Variants in MAGI1 observed in about 807,000 individuals in gnomAD.
MAGI1 encodes the protein membrane-associated guanylate kinase, WW and PDZ domain-containing protein 1.
A neutral mutation model predicts 139.9 loss-of-function variants in MAGI1; 58 were observed. That is an observed-to-expected ratio of 0.41 (90% CI 0.34 to 0.52). The LOEUF is 0.52. Among genes scored for constraint, MAGI1 ranks in the 20% least tolerant of loss-of-function variants. The probability of loss-of-function intolerance (pLI) is 0.12; values close to 1 mark genes in which losing one functional copy is unlikely to be tolerated. For synonymous variants in MAGI1, 812 were observed against 737.9 expected (o/e 1.10, Z -1.63); for missense variants, 1,874 against 1,901.6 (o/e 0.99, Z 0.27).
intron 1 of MAGI1, among the ~76,000 whole-genome samples, chr3:66,036,300 A>C (rs2068914501): frequency 6.6e-6 from 1 of 152,210 alleles, no homozygotes; most frequent in African/African-American, 2.4e-5. Flanking sequence ...ACCCACAGGA[A>C]AGCCAGTGTG....
chr3:65,826,847 A>C (rs2042255624), intron 1 of MAGI1, among the ~76,000 whole-genome samples: 1 of 152,224 alleles, frequency 6.6e-6, no homozygotes, highest in Non-Finnish European at 1.5e-5. Context: ...TAAACACATT[A>C]TCAATAACAT....
rs146287573 is a variant in MAGI1 at position 65,357,849 on chromosome 3, G to A, written c.3635-717C>T. 4.5e-4 allele frequency among the ~76,000 whole-genome samples: 68 copies of A among 152,222 alleles called. No individual in the cohort carries two copies. In the East Asian group the frequency reaches 0.012, roughly 26 times the overall value. On this transcript the variant is annotated intron_variant, in intron 22 of 22. Coordinates refer to ENST00000402939, the MANE Select transcript of MAGI1 (RefSeq NM_001033057.2). ...GACGACTGGCAAATGGGATATGTAC[G>A]CAAGGGCCCATTAAACTGTCCTATC...
At chr3:65,907,732 G>A (rs886219968) in intron 1 of MAGI1, 2 of 152,186 alleles carry the variant, frequency 1.3e-5, no homozygotes, top group Admixed American at 6.5e-5. Flanking sequence ...GTAACCTCCT[G>A]TGAGCCTGAG....
intron 2 of MAGI1, among the ~76,000 whole-genome samples, chr3:65,591,880 G>A (rs1430118377): frequency 6.6e-6 from 1 of 152,088 alleles, no homozygotes; most frequent in African/African-American, 2.4e-5. Context: ...CTTTTCCAGT[G>A]AGGTCGACCC....
At chr3:65,572,165 C>T (rs189758257) in intron 2 of MAGI1, among the ~76,000 whole-genome samples, 1 of 152,180 alleles carries the variant, frequency 6.6e-6, no homozygotes, top group East Asian at 1.9e-4. Context: ...TATTATGTGC[C>T]AGGTACCATC....
At chr3:65,859,688 G>A (rs765768933) in intron 1 of MAGI1, among the ~76,000 whole-genome samples, 26 of 150,536 alleles carry the variant, frequency 1.7e-4, no homozygotes, top group Non-Finnish European at 3.0e-4. Context: ...GCCACTGCAC[G>A]CCAGCCTGGG....
intron 1 of MAGI1, among the ~76,000 whole-genome samples, chr3:65,986,355 A>G (rs1394764667): frequency 6.6e-6 from 1 of 152,214 alleles, no homozygotes; most frequent in Non-Finnish European, 1.5e-5. Context: ...TACAACCTAA[A>G]CGCTAATTTT....
intron 1 of MAGI1, among the ~76,000 whole-genome samples, chr3:66,014,974 C>T (rs913030695): frequency 1.3e-5 from 2 of 152,068 alleles, no homozygotes; most frequent in Non-Finnish European, 2.9e-5. Context: ...AACAAATCAT[C>T]GCTACATGAT....
At chr3:65,865,994 C>T (rs1203794507) in intron 1 of MAGI1, among the ~76,000 whole-genome samples, 1 of 152,088 alleles carries the variant, frequency 6.6e-6, no homozygotes, top group Non-Finnish European at 1.5e-5. Flanking sequence ...GAATGATGTT[C>T]ATAACATATG....
At chr3:65,747,252 A>C (rs557360088) in intron 1 of MAGI1, among the ~76,000 whole-genome samples, 25 of 152,346 alleles carry the variant, frequency 1.6e-4, no homozygotes, top group African/African-American at 4.6e-4. Context: ...CAGGAGATAC[A>C]TAAGCTCAAA....
chr3:65,803,169 T>G (rs1166529241), intron 1 of MAGI1, among the ~76,000 whole-genome samples: 1 of 152,056 alleles, frequency 6.6e-6, no homozygotes, highest in Admixed American at 6.6e-5. Flanking sequence ...TTAACTAGAG[T>G]TAGCAAACAT....
chr3:65,606,351 A>T (rs1282994837), intron 2 of MAGI1, among the ~76,000 whole-genome samples: 8 of 151,648 alleles, frequency 5.3e-5, no homozygotes, highest in African/African-American at 1.9e-4. Flanking sequence ...TTATTTATTT[A>T]TTTTTTTGAG....
intron 1 of MAGI1, among the ~76,000 whole-genome samples, chr3:65,761,965 T>TG (rs767178911): frequency 6.6e-6 from 1 of 152,028 alleles, no homozygotes; most frequent in Non-Finnish European, 1.5e-5. Context: ...AGACACAAAA[T>TG]GGGGACTGCT....
At chr3:65,455,962 A>G (rs889878133) in intron 5 of MAGI1, among the ~76,000 whole-genome samples, 1 of 152,144 alleles carries the variant, frequency 6.6e-6, no homozygotes, top group Non-Finnish European at 1.5e-5. Context: ...GTTTTTGGCT[A>G]TTTGGACAAA....
chr3:65,452,212 A>G (rs796182253), intron 6 of MAGI1, among the ~76,000 whole-genome samples: 4 of 152,304 alleles, frequency 2.6e-5, no homozygotes, highest in Admixed American at 1.3e-4. Context: ...AGTAACTCAG[A>G]TAAATACCAA....
intron 1 of MAGI1, among the ~76,000 whole-genome samples, chr3:66,019,185 A>G (rs1320373425): frequency 6.6e-6 from 1 of 152,190 alleles, no homozygotes; most frequent in African/African-American, 2.4e-5. Context: ...TAAGAAGAAA[A>G]TAAAGTGAGC....
chr3:65,381,379 G>A (rs1040569372), intron 16 of MAGI1, among the ~76,000 whole-genome samples: 1 of 151,882 alleles, frequency 6.6e-6, no homozygotes, highest in Non-Finnish European at 1.5e-5. Context: ...AGGAATCAAA[G>A]CTGACCTAGA....
intron 1 of MAGI1, among the ~76,000 whole-genome samples, chr3:65,793,184 G>A (rs2039902878): frequency 6.6e-6 from 1 of 152,220 alleles, no homozygotes; most frequent in Non-Finnish European, 1.5e-5. Context: ...ATTGCTGGCA[G>A]GGCTTCATCA....
At chr3:65,483,481 A>G (rs532733189) in intron 3 of MAGI1, among the ~76,000 whole-genome samples, 1 of 152,392 alleles carries the variant, frequency 6.6e-6, no homozygotes, top group Non-Finnish European at 1.5e-5. Context: ...CTAGCCATGT[A>G]GAAACACAAA....
Sources: allele counts gnomAD v4.1 joint callset (sites outside exome capture counted in the v4.1 genomes callset), GRCh38; gene constraint gnomAD v4.1.1; transcripts MANE v1.5; gene names NCBI Gene and HGNC (gene_info 2026-07-23, HGNC 2026-07-21).